Variants in DGKB observed in about 807,000 individuals in gnomAD.
DGKB encodes the protein 90 kDa diacylglycerol kinase.
In DGKB, 67 loss-of-function variants were observed where a neutral mutation model predicts 114.3. The ratio of observed to expected loss-of-function variants is 0.59; its 90% CI spans 0.48 to 0.72. The LOEUF (loss-of-function observed/expected upper bound fraction) is 0.72. DGKB is among the 30% of genes least tolerant of loss of function. The pLI, the probability that DGKB is intolerant of heterozygous loss-of-function variation, is 0.00. For synonymous variants in DGKB, 398 were observed against 323.1 expected, an observed-to-expected ratio of 1.23 and a Z score of -2.49; for missense variants, 907 against 975.2, an observed-to-expected ratio of 0.93 and a Z score of 0.93.
rs1811509131 is a variant in DGKB at position 14,340,956 on chromosome 7, C to A, written c.1927-2246G>T. Among the ~76,000 whole-genome samples, 3 of 150,264 alleles carry A rather than the reference C, an allele frequency of 2.0e-5. No homozygotes were observed. In the Admixed American group the frequency reaches 2.0e-4, roughly 10 times the overall value. On this transcript the variant is annotated intron_variant, in intron 22 of 25. Coordinates refer to ENST00000402815, the MANE Select transcript of DGKB (RefSeq NM_001350709.2). ...GAAGGAGGATTCCTTTGTTCATCTGCAGAAAAGGAGAGCATGTTGCAAAGA... is the reference window on the plus strand; with the variant it reads ...GAAGGAGGATTCCTTTGTTCATCTGAAGAAAAGGAGAGCATGTTGCAAAGA...
At chr7:14,570,187 A>T (rs887367321) in intron 20 of DGKB, among the ~76,000 whole-genome samples, 1 of 151,440 alleles carries the variant, frequency 6.6e-6, no homozygotes, top group African/African-American at 2.4e-5. Flanking sequence ...TTCTCTATAG[A>T]GTATTTTTGC....
intron 20 of DGKB, among the ~76,000 whole-genome samples, chr7:14,523,250 C>G (rs1465834494): frequency 6.6e-6 from 1 of 152,168 alleles, no homozygotes; most frequent in Non-Finnish European, 1.5e-5. Context: ...CTAAAAACCA[C>G]TTTATTTTGA....
At chr7:14,605,433 G>C (rs1275442561) in intron 17 of DGKB, among the ~76,000 whole-genome samples, 1 of 150,238 alleles carries the variant, frequency 6.7e-6, no homozygotes. Context: ...AGATAGAGGG[G>C]AATATGCTCA....
At chr7:14,716,988 C>G (rs1431738337) in intron 6 of DGKB, among the ~76,000 whole-genome samples, 1 of 151,210 alleles carries the variant, frequency 6.6e-6, no homozygotes, top group Non-Finnish European at 1.5e-5. Flanking sequence ...TGAAAAAAAG[C>G]TGGGAAACTC....
rs562093527 is a variant in DGKB, at chr7:14,551,877, C to G, written c.1770+22335G>C. Among the ~76,000 whole-genome samples the G allele has an allele frequency of 8.5e-5, 13 of 152,208 alleles. No homozygotes were observed. In the South Asian group the frequency reaches 1.7e-3, roughly 19 times the overall value. The stretch of plus-strand genomic sequence containing the variant: ...GTCATATTACTATTGTTACTGCAAT[C>G]TGTCTCACAGTGAGTCTTAAATTTT... On this transcript the variant is annotated intron_variant, in intron 20 of 25. Transcript: ENST00000402815.
rs573881429 is a variant in DGKB, at chr7:14,269,145, T to C, written c.2122+69370A>G. 6 of 152,360 alleles carry C rather than the reference T, an allele frequency of 3.9e-5. No homozygotes were observed. The East Asian group carries it at 9.6e-4, about 24-fold the overall frequency. The allele number at this position is 152,360 out of a possible 1,614,324, so 9.4% of individuals were successfully genotyped here. A position where few individuals can be genotyped will look rare whatever the true frequency, so the allele number is the denominator to read the frequency against. On this transcript the variant is annotated intron_variant, in intron 23 of 25. Transcript: ENST00000402815. ...GCCTTAGCTCCTTGCCATGCTGACT[T>C]TTCTGTGGAGCTGCTTGATCTCCTT... is the stretch of plus-strand genomic sequence containing the variant.
intron 21 of DGKB, among the ~76,000 whole-genome samples, chr7:14,432,055 C>T (rs1049550560): frequency 3.9e-5 from 6 of 152,086 alleles, no homozygotes; most frequent in Non-Finnish European, 7.4e-5. Context: ...AATGTTGTCT[C>T]GTCTCCTAAT....
intron 23 of DGKB, among the ~76,000 whole-genome samples, chr7:14,208,349 T>A (rs915749452): frequency 6.6e-6 from 1 of 152,004 alleles, no homozygotes; most frequent in Non-Finnish European, 1.5e-5. Context: ...AAGTGCAGTA[T>A]TAGAAGGCCT....
intron 1 of DGKB, among the ~76,000 whole-genome samples, chr7:14,909,927 C>G (rs547418526): frequency 6.6e-6 from 1 of 152,184 alleles, no homozygotes; most frequent in South Asian, 2.1e-4. Context: ...CATGTATTAG[C>G]TGGGCACAGT....
chr7:14,335,039 T>A (rs899391134), intron 23 of DGKB, among the ~76,000 whole-genome samples: 10 of 152,222 alleles, frequency 6.6e-5, no homozygotes, highest in African/African-American at 2.4e-4. Context: ...GCTGGAATAA[T>A]GTAATTACAT....
intron 20 of DGKB, among the ~76,000 whole-genome samples, chr7:14,570,502 C>G (rs1172350224): frequency 6.6e-6 from 1 of 152,210 alleles, no homozygotes; most frequent in East Asian, 1.9e-4. Context: ...TAATACTCTA[C>G]TGTTGACTGG....
chr7:14,415,516 C>A (rs917484140), intron 21 of DGKB, among the ~76,000 whole-genome samples: 1 of 150,618 alleles, frequency 6.6e-6, no homozygotes, highest in African/African-American at 2.4e-5. Context: ...TGAGAACATG[C>A]GGTGTTTGGT....
chr7:14,554,550 G>A (rs1795596076), intron 20 of DGKB, among the ~76,000 whole-genome samples: 1 of 151,940 alleles, frequency 6.6e-6, no homozygotes, highest in Admixed American at 6.6e-5. Context: ...GGATCAAAGG[G>A]TATGCACATT....
At chr7:14,259,902 C>CTTTT (rs1451996598) in intron 23 of DGKB, among the ~76,000 whole-genome samples, 7 of 152,262 alleles carry the variant, frequency 4.6e-5, no homozygotes, top group African/African-American at 1.7e-4. Context: ...TACCATTTCT[C>CTTTT]TTTTTACCTC....
At chr7:14,591,775 A>C (rs1458157350) in intron 17 of DGKB, among the ~76,000 whole-genome samples, 1 of 152,086 alleles carries the variant, frequency 6.6e-6, no homozygotes, top group East Asian at 1.9e-4. Flanking sequence ...ACTAAAAACA[A>C]ATCCAGAAAA....
intron 23 of DGKB, among the ~76,000 whole-genome samples, chr7:14,295,566 A>G (rs535486267): frequency 3.8e-4 from 56 of 147,206 alleles, no homozygotes; most frequent in South Asian, 2.8e-3. Context: ...AGACTCACCT[A>G]TTTTTTTTTT....
At chr7:14,616,182 C>T (rs920649627) in intron 15 of DGKB, among the ~76,000 whole-genome samples, 8 of 148,438 alleles carry the variant, frequency 5.4e-5, no homozygotes, top group African/African-American at 2.0e-4. Context: ...TAAAAACATT[C>T]TCTCGTATAT....
intron 1 of DGKB, among the ~76,000 whole-genome samples, chr7:14,931,245 G>T (rs1007045159): frequency 6.6e-6 from 1 of 151,750 alleles, no homozygotes; most frequent in Non-Finnish European, 1.5e-5. Context: ...CTGAGTATCT[G>T]GGATTACAGG....
chr7:14,371,068 A>T (rs1226046535), intron 21 of DGKB, among the ~76,000 whole-genome samples: 1 of 152,166 alleles, frequency 6.6e-6, no homozygotes, highest in Non-Finnish European at 1.5e-5. Flanking sequence ...CCAATCCACC[A>T]CAGATGGGCA....
Sources: gnomAD v4.1 joint callset for allele counts (sites outside exome capture counted in the v4.1 genomes callset) on GRCh38, gnomAD v4.1.1 for gene constraint, MANE v1.5 for transcripts, NCBI Gene and HGNC (gene_info 2026-07-23, HGNC 2026-07-21) for gene names.